Variants in PLA2G4A observed in about 807,000 individuals in gnomAD.
PLA2G4A encodes the protein phospholipase A2 group IVA, also known as cytosolic phospholipase A2.
Under a neutral mutation model 81.9 loss-of-function variants are expected in PLA2G4A, and 40 were observed. That is an observed-to-expected ratio of 0.49 (90% CI 0.38 to 0.64). The LOEUF is 0.64. PLA2G4A is among the 30% of genes least tolerant of loss of function. The pLI is 0.00. For synonymous variants in PLA2G4A, 302 were observed against 296.9 expected (o/e 1.02, Z -0.18); for missense variants, 715 against 905.1 (o/e 0.79, Z 2.69).
Position 186,854,314 on chromosome 1 carries a change from G to T in PLA2G4A, c.-41G>T, listed in dbSNP as rs1357390469. 2.3e-6 allele frequency: 3 copies of T among 1,277,766 alleles called. No individual in the cohort carries two copies. The highest frequency in any genetic ancestry group is 3.4e-5 in the Admixed American group (2 of 59,230). 79.2% of individuals were successfully genotyped at this position (1,277,766 alleles called of 1,614,324 possible). On this transcript the variant is annotated 5_prime_UTR_variant, in exon 2 of 18. Coordinates refer to ENST00000367466, the MANE Select transcript of PLA2G4A (RefSeq NM_024420.3). ...TTAAAGACGCTAGAGTGCCAAAGAAGACTTTGAAGTGTGAAAACATTTCCT... is the reference window on the plus strand; with the variant it reads ...TTAAAGACGCTAGAGTGCCAAAGAATACTTTGAAGTGTGAAAACATTTCCT...
At chr1:186,912,604 A>G (rs572008799) in intron 7 of PLA2G4A, among the ~76,000 whole-genome samples, 19 of 151,942 alleles carry the variant, frequency 1.3e-4, no homozygotes, top group African/African-American at 4.3e-4. Flanking sequence ...AGTAATACGA[A>G]TATAAGTTTC....
At chr1:186,866,630 C>T (rs1653041142) in intron 2 of PLA2G4A, among the ~76,000 whole-genome samples, 2 of 152,022 alleles carry the variant, frequency 1.3e-5, no homozygotes, top group African/African-American at 4.8e-5. Context: ...TTTGCAGCAA[C>T]TTCAAAAATC....
rs187695925 is a variant in PLA2G4A at position 186,851,848 on chromosome 1, A to G, written c.-69-2438A>G. On this transcript the variant is annotated intron_variant, in intron 1 of 17. Coordinates refer to ENST00000367466, the MANE Select transcript of PLA2G4A (RefSeq NM_024420.3). ...ACAGTATAATAGTAAATGGATAATCATGTTTGTAAGATGTGTGTAATATGT... is the reference window on the plus strand; with the variant it reads ...ACAGTATAATAGTAAATGGATAATCGTGTTTGTAAGATGTGTGTAATATGT... Among the ~76,000 whole-genome samples the G allele has an allele frequency of 2.4e-4, 37 of 152,172 alleles. No individual in the cohort carries two copies. In the East Asian group the frequency reaches 6.9e-3, roughly 29 times the overall value.
intron 7 of PLA2G4A, among the ~76,000 whole-genome samples, chr1:186,931,518 TA>T (rs1390580187): frequency 3.7e-4 from 2 of 5,336 alleles, no homozygotes. Context: ...AAATGTTTGC[TA>T]TTATTATTAT....
intron 7 of PLA2G4A, among the ~76,000 whole-genome samples, chr1:186,913,200 A>T (rs1459464356): frequency 6.6e-6 from 1 of 151,892 alleles, no homozygotes; most frequent in African/African-American, 2.4e-5. Context: ...TATAATTAGG[A>T]TTATAAAAAT....
chr1:186,966,127 A>C (rs988080750), intron 15 of PLA2G4A, among the ~76,000 whole-genome samples: 3 of 146,790 alleles, frequency 2.0e-5, no homozygotes, highest in Non-Finnish European at 4.4e-5. Context: ...TTAAAAAAAA[A>C]AAAAAAAAAA....
chr1:186,849,996 A>T (rs2102020595), intron 1 of PLA2G4A, among the ~76,000 whole-genome samples: 1 of 152,244 alleles, frequency 6.6e-6, no homozygotes. Flanking sequence ...TTAGCATAGA[A>T]AGCAAAAGGG....
At chr1:186,919,730 G>A (rs1268555306) in intron 7 of PLA2G4A, among the ~76,000 whole-genome samples, 1 of 152,182 alleles carries the variant, frequency 6.6e-6, no homozygotes, top group African/African-American at 2.4e-5. Context: ...CATCTTTTAA[G>A]TCCAGACAGG....
At chr1:186,829,778 A>C (rs1168052957) in intron 1 of PLA2G4A, among the ~76,000 whole-genome samples, 1 of 152,258 alleles carries the variant, frequency 6.6e-6, no homozygotes, top group South Asian at 2.1e-4. Context: ...GGATGAATGT[A>C]TCTGTCTCCT....
intron 2 of PLA2G4A, among the ~76,000 whole-genome samples, chr1:186,860,487 G>C (rs1652758636): frequency 6.6e-6 from 1 of 152,032 alleles, no homozygotes; most frequent in Non-Finnish European, 1.5e-5. Flanking sequence ...GTTCTGTTTG[G>C]GCTCTCAACA....
chr1:186,880,733 A>C (rs1653700194), intron 3 of PLA2G4A, among the ~76,000 whole-genome samples: 1 of 152,076 alleles, frequency 6.6e-6, no homozygotes, highest in African/African-American at 2.4e-5. Flanking sequence ...ATCACGGTAT[A>C]TAAGAATTTC....
chr1:186,949,359 AG>A (rs748390196), intron 12 of PLA2G4A, among the ~76,000 whole-genome samples: 5 of 138,366 alleles, frequency 3.6e-5, no homozygotes, highest in South Asian at 2.4e-4. Context: ...AAAGAAAGAA[AG>A]AGAAAGAAAG....
At chr1:186,922,895 A>G (rs1248505639) in intron 7 of PLA2G4A, among the ~76,000 whole-genome samples, 1 of 152,196 alleles carries the variant, frequency 6.6e-6, no homozygotes, top group African/African-American at 2.4e-5. Flanking sequence ...GGCTGCATGC[A>G]CTGGTAATTA....
chr1:186,835,472 G>A (rs1464938806), intron 1 of PLA2G4A, among the ~76,000 whole-genome samples: 1 of 152,198 alleles, frequency 6.6e-6, no homozygotes, highest in African/African-American at 2.4e-5. Context: ...TCAGGGAAAA[G>A]TGTCTAAAGA....
chr1:186,974,925 C>A (rs1026994551), intron 15 of PLA2G4A, among the ~76,000 whole-genome samples: 1 of 152,200 alleles, frequency 6.6e-6, no homozygotes, highest in Admixed American at 6.5e-5. Context: ...GTTTCCATCT[C>A]TTCCTGATTC....
intron 14 of PLA2G4A, among the ~76,000 whole-genome samples, chr1:186,964,512 C>G (rs1040532932): frequency 6.6e-6 from 1 of 152,170 alleles, no homozygotes; most frequent in Non-Finnish European, 1.5e-5. Context: ...GACCCTTGCT[C>G]TAGCTCCTCC....
intron 15 of PLA2G4A, among the ~76,000 whole-genome samples, chr1:186,972,320 A>G (rs997697615): frequency 5.3e-5 from 8 of 152,180 alleles, no homozygotes; most frequent in African/African-American, 9.6e-5. Context: ...GATGTATAAT[A>G]TGAAAATTTA....
chr1:186,841,120 C>T (rs1651963691), intron 1 of PLA2G4A, among the ~76,000 whole-genome samples: 1 of 152,178 alleles, frequency 6.6e-6, no homozygotes, highest in African/African-American at 2.4e-5. Context: ...TAACACCTAT[C>T]AATGTGATAT....
At chr1:186,848,467 C>T (rs577360575) in intron 1 of PLA2G4A, among the ~76,000 whole-genome samples, 12 of 152,238 alleles carry the variant, frequency 7.9e-5, no homozygotes, top group Non-Finnish European at 1.3e-4. Flanking sequence ...AGGAGAGAGA[C>T]TTTAACTCAA....
Sources: allele counts gnomAD v4.1 joint callset (sites outside exome capture counted in the v4.1 genomes callset), GRCh38; gene constraint gnomAD v4.1.1; transcripts MANE v1.5; gene names NCBI Gene and HGNC (gene_info 2026-07-23, HGNC 2026-07-21).